Variants in SYNPO2 observed in about 807,000 individuals in gnomAD.
SYNPO2 encodes the protein synaptopodin-2.
Under a neutral mutation model 85.0 loss-of-function variants are expected in SYNPO2, and 56 were observed. That is an observed-to-expected ratio of 0.66 (90% CI 0.53 to 0.82). The LOEUF (loss-of-function observed/expected upper bound fraction) is 0.82, where lower values mean the gene tolerates loss of function less well. SYNPO2 is among the 40% of genes least tolerant of loss of function. SYNPO2 has a pLI of 0.00. For synonymous variants in SYNPO2, 602 were observed against 591.1 expected, an observed-to-expected ratio of 1.02 and a Z score of -0.27; for missense variants, 1,575 against 1,534.2, an observed-to-expected ratio of 1.03 and a Z score of -0.44.
chr4:118,928,700 G>T (rs1186454620), intron 1 of SYNPO2, among the ~76,000 whole-genome samples: 1 of 152,148 alleles, frequency 6.6e-6, no homozygotes, highest in Non-Finnish European at 1.5e-5. Context: ...GGTGAAGGAG[G>T]TTAGCCTGTT....
chr4:118,942,614 A>G (rs1400649123), intron 1 of SYNPO2, among the ~76,000 whole-genome samples: 3 of 152,218 alleles, frequency 2.0e-5, no homozygotes, highest in Admixed American at 2.0e-4. Context: ...AACCCTATAA[A>G]GAGAATGACT....
chr4:119,003,932 C>T (rs558281895), intron 1 of SYNPO2, among the ~76,000 whole-genome samples: 19 of 152,278 alleles, frequency 1.2e-4, no homozygotes, highest in Admixed American at 8.5e-4. Flanking sequence ...GGTAGTTAAT[C>T]GTTCATTTCA....
At chr4:119,055,958 T>C (rs187141459) in intron 4 of SYNPO2, among the ~76,000 whole-genome samples, 1 of 152,302 alleles carries the variant, frequency 6.6e-6, no homozygotes, top group East Asian at 1.9e-4. Flanking sequence ...CAGGTATTGA[T>C]ATTCACTTTA....
In SYNPO2 at chr4:118,900,693, CTCTCTCTCTCTATATATA is replaced by C. The variant is rs1260015170; in HGVS notation, c.105+11554_105+11571del. ...TCTCTCTCTCTCTCTCTCTCTCTCT[CTCTCTCTCTCTATATATA>C]TATATATATATATATATATATGTCT... On this transcript the variant is annotated intron_variant, in intron 1 of 4. Transcript: ENST00000307142. Among the ~76,000 whole-genome samples the C allele has an allele frequency of 5.5e-3, 276 of 49,880 alleles. 3 individuals carry two copies. Among genetic ancestry groups the C allele is most frequent in the Middle Eastern group, 0.011 (1 of 88 alleles). The allele number at this position is 49,880 out of a possible 152,430, so 32.7% of individuals were successfully genotyped here. A position where few individuals can be genotyped will look rare whatever the true frequency, so the allele number is the denominator to read the frequency against.
intron 1 of SYNPO2, among the ~76,000 whole-genome samples, chr4:118,876,555 A>G (rs1378917539): frequency 1.3e-5 from 2 of 152,112 alleles, no homozygotes; most frequent in Non-Finnish European, 2.9e-5. Context: ...GGTCACCTGA[A>G]CTTAGAACAA....
chr4:118,923,554 AAAT>A (rs1255753872), intron 1 of SYNPO2, among the ~76,000 whole-genome samples: 1 of 152,152 alleles, frequency 6.6e-6, no homozygotes, highest in Admixed American at 6.6e-5. Flanking sequence ...ATAAGTTAAA[AAAT>A]AATAATAGAA....
At position 119,027,429 on chromosome 4, in the gene SYNPO2, C is replaced by T. The variant is rs752586063; in HGVS notation, c.1060C>T (p.Arg354Trp). 1.3e-5 allele frequency: 20 copies of T among 1,591,864 alleles called. No individual in the cohort carries two copies. The South Asian group carries it at 1.8e-4, about 14-fold the overall frequency. The stretch of plus-strand genomic sequence containing the variant: ...CAGCAGACCTCACAAGCACCGAGCG[C>T]GGCATGCACGTAAGTTCTGCCTGGG... Reference protein sequence around the residue: ...DHSRPHKHRARHARLRRSESL... With the variant: ...DHSRPHKHRAWHARLRRSESL... Residue 354 changes from arginine (R) to tryptophan (W), a missense_variant, in exon 3 of 5, where the codon CGG becomes TGG. By Grantham distance (101) the Arg-to-Trp change is moderately radical. Around this residue, in one of 3 missense-constraint regions of SYNPO2, gnomAD observed 1,508 missense variants for 1,446.8 expected, o/e 1.04. Coordinates refer to ENST00000307142, the MANE Select transcript of SYNPO2 (RefSeq NM_133477.3).
intron 1 of SYNPO2, among the ~76,000 whole-genome samples, chr4:119,009,311 G>C (rs1466310999): frequency 6.6e-6 from 1 of 152,166 alleles, no homozygotes; most frequent in Non-Finnish European, 1.5e-5. Flanking sequence ...CTAACCCAGA[G>C]AGTCTTGGCT....
chr4:119,057,581 G>T lies in SYNPO2; in HGVS notation c.3433G>T (p.Asp1145Tyr). 1.2e-6 allele frequency: 2 copies of T among 1,614,062 alleles called. No homozygotes were observed. Among genetic ancestry groups the T allele is most frequent in the Non-Finnish European group, 1.7e-6 (2 of 1,180,034 alleles). The part of the protein sequence containing the change: ...AAKSPLGLVD[D>Y]AFQPRNIQES... ...AAAGTCTCCTCTCGGTCTAGTGGATGATGCTTTCCAACCCAGAAACATCCA... is the reference window on the plus strand; with the variant it reads ...AAAGTCTCCTCTCGGTCTAGTGGATTATGCTTTCCAACCCAGAAACATCCA... The change falls in exon 5 of 5, where the codon GAT becomes TAT. Residue 1145 changes from aspartate to tyrosine, a missense_variant. Coordinates refer to ENST00000307142, the MANE Select transcript of SYNPO2 (RefSeq NM_133477.3).
chr4:119,034,898 GT>G, intron 4 of SYNPO2: 1 of 985,530 alleles, frequency 1.0e-6, no homozygotes, highest in Non-Finnish European at 1.2e-6. Context: ...CCTTAGCTGT[GT>G]TGGTATTAGC....
At position 118,955,736 on chromosome 4, in the gene SYNPO2, T is replaced by G. The variant is rs10020919; in HGVS notation, c.105+66595T>G. ...TGCTTAAATCCAGATGTTACAATGA[T>G]GTGACTCTCATGTGAAGAATGTGGA... On this transcript the variant is annotated intron_variant, in intron 1 of 4. Transcript: ENST00000307142. Among the ~76,000 whole-genome samples the G allele has an allele frequency of 3.0e-3, 364 of 121,798 alleles. 3 individuals carry two copies. The highest frequency in any genetic ancestry group is 9.9e-3 in the African/African-American group (343 of 34,536). 79.9% of individuals were successfully genotyped at this position (121,798 alleles called of 152,430 possible).
At chr4:118,887,714 G>A (rs1000079136), upstream of SYNPO2, among the ~76,000 whole-genome samples, 8 of 152,144 alleles carry the variant, frequency 5.3e-5, no homozygotes, top group African/African-American at 1.9e-4. Flanking sequence ...ACTTAACCTT[G>A]TTTTTATCAA....
At chr4:119,033,602 CTT>C in intron 4 of SYNPO2, 1 of 985,394 alleles carries the variant, frequency 1.0e-6, no homozygotes. Context: ...CTCAGAAAAA[CTT>C]GCCTGGTTTG....
Position 119,057,669 on chromosome 4 carries a change from A to G in SYNPO2, c.3521A>G (p.Glu1174Gly). 2 of 1,614,158 alleles carry G rather than the reference A, an allele frequency of 1.2e-6. No individual in the cohort carries two copies. The highest frequency in any genetic ancestry group is 1.1e-5 in the South Asian group (1 of 91,078). The change falls in exon 5 of 5, where the codon GAG becomes GGG. Residue 1174 changes from glutamate to glycine, a missense_variant. Physicochemically the swap from Glu to Gly is moderately conservative, Grantham distance 98. Around this residue, in one of 3 missense-constraint regions of SYNPO2, gnomAD observed 1,508 missense variants for 1,446.8 expected, o/e 1.04. Transcript: ENST00000307142. ...ARRKVLPGPP[E>G]DWNERLSYIP... ...AGGAAGGTGCTTCCAGGGCCTCCAG[A>G]GGATTGGAATGAAAGACTGTCCTAT... is the stretch of plus-strand genomic sequence containing the variant.
chr4:118,873,973 T>A (rs904017786), intron 1 of SYNPO2, among the ~76,000 whole-genome samples: 2 of 130,766 alleles, frequency 1.5e-5, no homozygotes, highest in Non-Finnish European at 3.4e-5. Flanking sequence ...AAAAAGAGTG[T>A]CCTTTTCCCC....
intron 1 of SYNPO2, among the ~76,000 whole-genome samples, chr4:118,996,444 C>G (rs990283388): frequency 5.9e-5 from 9 of 151,922 alleles, no homozygotes; most frequent in African/African-American, 2.2e-4. Context: ...CCTGAGTATA[C>G]GGAGAATATA....
intron 1 of SYNPO2, among the ~76,000 whole-genome samples, chr4:118,971,031 G>A (rs1735521682): frequency 6.6e-6 from 1 of 152,180 alleles, no homozygotes; most frequent in Admixed American, 6.5e-5. Flanking sequence ...GCAAAAAGCT[G>A]GGGTCACTTT....
At chr4:118,852,277 T>C (rs1298630798) in intron 1 of SYNPO2, among the ~76,000 whole-genome samples, 1 of 152,168 alleles carries the variant, frequency 6.6e-6, no homozygotes, top group African/African-American at 2.4e-5. Context: ...TGTGGGAGTG[T>C]AAATTAGTTC....
rs914896836 is a variant in SYNPO2 at position 118,977,378 on chromosome 4, T to C, written c.106-46052T>C. ...TGCCAACCCCACGCCCACCCGGAAC[T>C]CCAGCTGGCCCGCAAGCGCGGCACG... On this transcript the variant is annotated intron_variant, in intron 1 of 4. Coordinates refer to ENST00000307142, the MANE Select transcript of SYNPO2 (RefSeq NM_133477.3). Among the ~76,000 whole-genome samples the C allele has an allele frequency of 4.6e-5, 7 of 152,276 alleles. No homozygotes were observed. The South Asian group carries it at 1.5e-3, about 32-fold the overall frequency.
Sources: allele counts gnomAD v4.1 joint callset (sites outside exome capture counted in the v4.1 genomes callset), GRCh38; gene constraint gnomAD v4.1.1; regional missense constraint gnomAD v4.1.1; transcripts MANE v1.5; gene names NCBI Gene and HGNC (gene_info 2026-07-23, HGNC 2026-07-21).